The following GRIN3A variants were observed in gnomAD, a reference collection of about 807,000 sequenced individuals.
The protein encoded by GRIN3A is glutamate receptor ionotropic, NMDA 3A.
A neutral mutation model predicts 92.4 loss-of-function variants in GRIN3A; 47 were observed. That is an observed-to-expected ratio of 0.51 (90% CI 0.40 to 0.65). The LOEUF (loss-of-function observed/expected upper bound fraction) is 0.65. Among genes scored for constraint, GRIN3A ranks in the 30% least tolerant of loss-of-function variants. The pLI, the probability that GRIN3A is intolerant of heterozygous loss-of-function variation, is 0.00. For synonymous variants in GRIN3A, 527 were observed against 540.6 expected, an observed-to-expected ratio of 0.97 and a Z score of 0.35; for missense variants, 1,324 against 1,393.1, an observed-to-expected ratio of 0.95 and a Z score of 0.79.
chr9:101,663,407 C>T (rs1424543325), intron 3 of GRIN3A, among the ~76,000 whole-genome samples: 1 of 151,820 alleles, frequency 6.6e-6, no homozygotes, highest in Non-Finnish European at 1.5e-5. Context: ...CCAGGCACCT[C>T]GCATGGTGCT....
intron 3 of GRIN3A, 30 bp downstream of exon 3, chr9:101,670,030 C>T: frequency 6.7e-7 from 1 of 1,486,974 alleles, no homozygotes; most frequent in Non-Finnish European, 9.4e-7. Context: ...AATGGACAAT[C>T]AAGAAAGCTA....
chr9:101,656,416 G>A (rs1344699162), intron 3 of GRIN3A, among the ~76,000 whole-genome samples: 4 of 151,886 alleles, frequency 2.6e-5, no homozygotes, highest in Non-Finnish European at 4.4e-5. Flanking sequence ...GGAACATTAA[G>A]CTTGTTAAGA....
chr9:101,674,120 C>T (rs796795533), intron 2 of GRIN3A, among the ~76,000 whole-genome samples: 58 of 151,568 alleles, frequency 3.8e-4, no homozygotes, highest in African/African-American at 1.3e-3. Flanking sequence ...AGCTGTTTGA[C>T]GATAAGAGAT....
intron 6 of GRIN3A, among the ~76,000 whole-genome samples, chr9:101,612,739 C>T (rs1183039098): frequency 2.6e-5 from 4 of 152,088 alleles, no homozygotes; most frequent in African/African-American, 9.7e-5. Flanking sequence ...AGGTTTCTTT[C>T]TAATTACATT....
At chr9:101,590,294 G>A (rs1828005020) in intron 6 of GRIN3A, among the ~76,000 whole-genome samples, 1 of 152,118 alleles carries the variant, frequency 6.6e-6, no homozygotes, top group Non-Finnish European at 1.5e-5. Flanking sequence ...CAGCAGAGAA[G>A]TCCGGTCTGA....
intron 6 of GRIN3A, among the ~76,000 whole-genome samples, chr9:101,588,168 T>C (rs940657122): frequency 3.9e-5 from 6 of 152,130 alleles, no homozygotes; most frequent in Non-Finnish European, 8.8e-5. Flanking sequence ...AATTAAAACA[T>C]ATATATTTAA....
At chr9:101,671,656 A>G (rs559982135) in intron 2 of GRIN3A, among the ~76,000 whole-genome samples, 9 of 152,296 alleles carry the variant, frequency 5.9e-5, no homozygotes, top group African/African-American at 1.9e-4. Flanking sequence ...CTTGTTACCA[A>G]TGTTTCTTCT....
chr9:101,663,601 C>T (rs1829203583), intron 3 of GRIN3A, among the ~76,000 whole-genome samples: 2 of 151,750 alleles, frequency 1.3e-5, no homozygotes, highest in African/African-American at 2.4e-5. Flanking sequence ...ATTGGGCAGC[C>T]ACAAGCTGTT....
chr9:101,665,949 T>C (rs1829231701), intron 3 of GRIN3A, among the ~76,000 whole-genome samples: 1 of 151,974 alleles, frequency 6.6e-6, no homozygotes, highest in Non-Finnish European at 1.5e-5. Flanking sequence ...TGAATCTGCC[T>C]CTATTTTTTT....
rs538822263 is a variant in GRIN3A, at chr9:101,737,635, C to T, written c.345G>A (p.Glu115=). The change falls in exon 1 of 9, where the codon GAG becomes GAA. Residue 115 remains glutamate (E), a synonymous_variant. Transcript: ENST00000361820. ...GCCACAGGGCCTCCGCCCTGGCGCCCTCCCCGGGCTTACGGGAGCCCGGCG... is the reference window on the plus strand; with the variant it reads ...GCCACAGGGCCTCCGCCCTGGCGCCTTCCCCGGGCTTACGGGAGCCCGGCG... The part of the protein sequence containing the change: ...RGPPGSRKPG[E]GARAEALWPR... 8.6e-5 allele frequency: 138 copies of T among 1,611,308 alleles called. 1 individual carries two copies. In the South Asian group the frequency reaches 1.5e-3, roughly 17 times the overall value.
At chr9:101,599,631 G>T (rs1055422742) in intron 6 of GRIN3A, among the ~76,000 whole-genome samples, 1 of 152,148 alleles carries the variant, frequency 6.6e-6, no homozygotes, top group Non-Finnish European at 1.5e-5. Context: ...GAGCCTTGAT[G>T]GCACCTCTAT....
At chr9:101,704,224 C>T (rs1220497214) in intron 1 of GRIN3A, among the ~76,000 whole-genome samples, 2 of 152,102 alleles carry the variant, frequency 1.3e-5, no homozygotes, top group Non-Finnish European at 2.9e-5. Context: ...AATCATGTTT[C>T]CTAAAATAGT....
At chr9:101,614,279 C>T (rs192130705) in intron 5 of GRIN3A, among the ~76,000 whole-genome samples, 18 of 152,202 alleles carry the variant, frequency 1.2e-4, no homozygotes, top group Admixed American at 4.6e-4. Context: ...CAAAGATCTC[C>T]GCCACAAGCA....
intron 1 of GRIN3A, among the ~76,000 whole-genome samples, chr9:101,707,153 T>C (rs1032239981): frequency 5.3e-5 from 8 of 152,188 alleles, no homozygotes; most frequent in Non-Finnish European, 1.0e-4. Flanking sequence ...TAGTGCAAAA[T>C]TTCCCAGCAG....
chr9:101,738,291 T>G lies in GRIN3A; in HGVS notation c.-312A>C. On this transcript the variant is annotated 5_prime_UTR_variant, in exon 1 of 9. Coordinates refer to ENST00000361820, the MANE Select transcript of GRIN3A (RefSeq NM_133445.3). ...GCGCCCGTTCCCTGCCCGCCCCATC[T>G]GCAGGGCGCCTCGGGCACTGCGTCC... 1 of 403,630 alleles carries G rather than the reference T, an allele frequency of 2.5e-6. No homozygotes were observed. The allele number at this position is 403,630 out of a possible 1,614,324, so 25.0% of individuals were successfully genotyped here.
intron 1 of GRIN3A, among the ~76,000 whole-genome samples, chr9:101,702,088 G>C (rs1829763090): frequency 2.6e-5 from 4 of 152,080 alleles, no homozygotes; most frequent in Admixed American, 1.3e-4. Context: ...AATCACTTGA[G>C]GCCAGGAGTT....
At chr9:101,580,807 C>T (rs973888008) in intron 6 of GRIN3A, among the ~76,000 whole-genome samples, 1 of 152,184 alleles carries the variant, frequency 6.6e-6, no homozygotes. Flanking sequence ...TCTTTCAGTC[C>T]ATTTCTGTTC....
At chr9:101,735,812 C>G (rs145210859) in intron 1 of GRIN3A, among the ~76,000 whole-genome samples, 2 of 151,978 alleles carry the variant, frequency 1.3e-5, no homozygotes, top group East Asian at 3.9e-4. Flanking sequence ...GCCTTCCCAT[C>G]TGCTGCCTAC....
intron 1 of GRIN3A, among the ~76,000 whole-genome samples, chr9:101,712,673 C>T (rs533025841): frequency 6.6e-6 from 1 of 152,220 alleles, no homozygotes; most frequent in African/African-American, 2.4e-5. Context: ...GAAAGCTCAC[C>T]ACTCTAAAAA....
Sources: allele counts gnomAD v4.1 joint callset (sites outside exome capture counted in the v4.1 genomes callset), GRCh38; gene constraint gnomAD v4.1.1; transcripts MANE v1.5; gene names NCBI Gene and HGNC (gene_info 2026-07-23, HGNC 2026-07-21).